LDLRAD3: variants seen among roughly 807,000 people sequenced by gnomAD.
LDLRAD3 encodes the protein low density lipoprotein receptor class A domain containing 3.
In LDLRAD3, 20 loss-of-function variants were observed where a neutral mutation model predicts 29.4. That is an observed-to-expected ratio of 0.68 (90% CI 0.48 to 0.99). LDLRAD3 has a LOEUF of 0.99. Among genes scored for constraint, LDLRAD3 ranks in the 50% least tolerant of loss-of-function variants. The probability of loss-of-function intolerance (pLI) is 0.00; values close to 1 mark genes in which losing one functional copy is unlikely to be tolerated. For synonymous variants in LDLRAD3, 157 were observed against 192.7 expected (o/e 0.81, Z 1.53); for missense variants, 420 against 454.3 (o/e 0.92, Z 0.69).
At chr11:35,999,554 T>A (rs1199040412) in intron 1 of LDLRAD3, among the ~76,000 whole-genome samples, 1 of 152,194 alleles carries the variant, frequency 6.6e-6, no homozygotes, top group Non-Finnish European at 1.5e-5. Context: ...GGCTGCGTTC[T>A]CATCCTACCC....
intron 3 of LDLRAD3, among the ~76,000 whole-genome samples, chr11:36,097,449 A>G (rs7924757): frequency 0.028 from 4,186 of 151,924 alleles, 189 homozygotes; most frequent in African/African-American, 0.095. Flanking sequence ...CCAGCCATTC[A>G]CTCTTGCCTC....
At chr11:35,952,158 C>G (rs1190701818) in intron 1 of LDLRAD3, among the ~76,000 whole-genome samples, 1 of 152,184 alleles carries the variant, frequency 6.6e-6, no homozygotes, top group African/African-American at 2.4e-5. Flanking sequence ...CTAAAAGGTT[C>G]AGTAACTTTC....
intron 4 of LDLRAD3, among the ~76,000 whole-genome samples, chr11:36,121,467 G>C (rs565401688): frequency 6.6e-6 from 1 of 152,096 alleles, no homozygotes; most frequent in East Asian, 1.9e-4. Context: ...ATGTAAGCAC[G>C]TACACCCAGG....
At chr11:36,094,869 A>AT (rs1853336312) in intron 3 of LDLRAD3, among the ~76,000 whole-genome samples, 1 of 152,168 alleles carries the variant, frequency 6.6e-6, no homozygotes, top group Admixed American at 6.5e-5. Context: ...TTAATTTTGC[A>AT]AATAATGGCT....
intron 4 of LDLRAD3, among the ~76,000 whole-genome samples, chr11:36,188,654 C>A (rs906532657): frequency 2.0e-5 from 3 of 152,192 alleles, no homozygotes; most frequent in Non-Finnish European, 4.4e-5. Context: ...GACTGCCCCT[C>A]TCACACCCAG....
intron 5 of LDLRAD3, among the ~76,000 whole-genome samples, chr11:36,228,466 T>C (rs1855529442): frequency 6.6e-6 from 1 of 152,216 alleles, no homozygotes. Context: ...TTACCAGTTA[T>C]TTCTGATGCT....
intron 4 of LDLRAD3, among the ~76,000 whole-genome samples, chr11:36,128,141 TG>T (rs1853869272): frequency 1.3e-4 from 17 of 129,402 alleles, no homozygotes; most frequent in East Asian, 2.6e-4. Context: ...TATATGTATA[TG>T]ACATGTAGGC....
chr11:36,135,416 C>T (rs1483823590), intron 4 of LDLRAD3, among the ~76,000 whole-genome samples: 1 of 152,146 alleles, frequency 6.6e-6, no homozygotes, highest in Non-Finnish European at 1.5e-5. Flanking sequence ...ACAATTCTGA[C>T]CTTGCTTTCC....
chr11:36,199,566 TAC>T lies in LDLRAD3; in HGVS notation c.455-27498_455-27497del, dbSNP rs57161243. On this transcript the variant is annotated intron_variant, in intron 4 of 5. Transcript: ENST00000315571. ...TAGGAGTAGCAGGAAGCTGTGGTTC[TAC>T]ACACACACACACACACACACGCACG... Among the ~76,000 whole-genome samples, 286 of 149,844 alleles carry T rather than the reference TAC, an allele frequency of 1.9e-3. 1 individual carries two copies. The highest frequency in any genetic ancestry group is 0.01 in the Middle Eastern group (3 of 290).
chr11:36,220,164 G>C (rs993530333), intron 4 of LDLRAD3, among the ~76,000 whole-genome samples: 2 of 152,096 alleles, frequency 1.3e-5, no homozygotes, highest in African/African-American at 4.8e-5. Flanking sequence ...TATTAAGATG[G>C]CTAAAATTAA....
intron 1 of LDLRAD3, among the ~76,000 whole-genome samples, chr11:36,028,768 C>G (rs1852198729): frequency 6.6e-6 from 1 of 151,888 alleles, no homozygotes; most frequent in Non-Finnish European, 1.5e-5. Flanking sequence ...ATATTCTTTT[C>G]TCTCCTCTTA....
At chr11:36,165,929 G>T (rs1470189529) in intron 4 of LDLRAD3, among the ~76,000 whole-genome samples, 1 of 142,950 alleles carries the variant, frequency 7.0e-6, no homozygotes, top group African/African-American at 2.6e-5. Context: ...TCTTTTCTAG[G>T]CTGACTGGCT....
chr11:36,101,656 C>T (rs1853448383), intron 4 of LDLRAD3, among the ~76,000 whole-genome samples: 1 of 152,064 alleles, frequency 6.6e-6, no homozygotes, highest in Non-Finnish European at 1.5e-5. Context: ...CATCTCCCTG[C>T]CCTGAGTGAG....
At chr11:36,099,397 G>A (rs759171681) in intron 4 of LDLRAD3, among the ~76,000 whole-genome samples, 3 of 152,136 alleles carry the variant, frequency 2.0e-5, no homozygotes, top group Non-Finnish European at 2.9e-5. Flanking sequence ...TATTTCTAAT[G>A]TTATAAATTG....
At chr11:35,955,058 A>T (rs1299154293) in intron 1 of LDLRAD3, among the ~76,000 whole-genome samples, 1 of 152,174 alleles carries the variant, frequency 6.6e-6, no homozygotes, top group Non-Finnish European at 1.5e-5. Flanking sequence ...CAGCCTGGCC[A>T]ACATGGCGAA....
At chr11:36,156,988 G>T (rs1018307499) in intron 4 of LDLRAD3, among the ~76,000 whole-genome samples, 4 of 152,338 alleles carry the variant, frequency 2.6e-5, no homozygotes, top group African/African-American at 9.6e-5. Context: ...TGTTAGTACA[G>T]ATCTCCTCTG....
At chr11:36,120,565 A>T (rs191142582) in intron 4 of LDLRAD3, among the ~76,000 whole-genome samples, 1 of 152,328 alleles carries the variant, frequency 6.6e-6, no homozygotes, top group East Asian at 1.9e-4. Context: ...TGAGGCAGTG[A>T]TGAGTATCCA....
intron 1 of LDLRAD3, among the ~76,000 whole-genome samples, chr11:35,977,778 T>C (rs767431490): frequency 3.3e-5 from 5 of 152,132 alleles, no homozygotes; most frequent in Non-Finnish European, 7.4e-5. Context: ...TCATAGGTGG[T>C]CCTCACATGG....
intron 4 of LDLRAD3, among the ~76,000 whole-genome samples, chr11:36,174,796 A>G (rs893061172): frequency 2.0e-5 from 3 of 152,166 alleles, no homozygotes; most frequent in African/African-American, 7.2e-5. Context: ...CCTGGCTAAC[A>G]TGATGAAACC....
Sources: gnomAD v4.1 joint callset for allele counts (sites outside exome capture counted in the v4.1 genomes callset) on GRCh38, gnomAD v4.1.1 for gene constraint, MANE v1.5 for transcripts, NCBI Gene and HGNC (gene_info 2026-07-23, HGNC 2026-07-21) for gene names.